Variants in RCL1 observed in about 807,000 individuals in gnomAD.
RCL1 encodes RNA terminal phosphate cyclase like 1.
Under a neutral mutation model 42.4 loss-of-function variants are expected in RCL1, and 24 were observed. The ratio of observed to expected loss-of-function variants is 0.57; its 90% CI spans 0.41 to 0.80. The LOEUF is 0.80. Among genes scored for constraint, RCL1 ranks in the 30% least tolerant of loss-of-function variants. The pLI is 0.00. For missense variants in RCL1, 578 were observed against 467.9 expected (o/e 1.24, Z -2.17); for synonymous variants, 228 against 177.3 (o/e 1.29, Z -2.27).
In RCL1 at chr9:4,841,237, CTG is replaced by C. The variant is rs1464034145; in HGVS notation, c.592_593del (p.Val198ThrfsTer24). ...TCCTTAACTCCAGGCTGCAGGTACT[CTG>C]TACGTGTGTCACCTCAGATGGCGAA... is the stretch of plus-strand genomic sequence containing the variant. On this transcript the variant is annotated frameshift_variant, in exon 6 of 9. Coordinates refer to ENST00000381750, the MANE Select transcript of RCL1 (RefSeq NM_005772.5). LOFTEE classifies it high-confidence loss of function. The C allele has an allele frequency of 6.2e-7, 1 of 1,614,038 alleles. No individual in the cohort carries two copies. Among genetic ancestry groups the C allele is most frequent in the Non-Finnish European group, 8.5e-7 (1 of 1,179,944 alleles).
chr9:4,834,416 C>A (rs924951085), intron 5 of RCL1, 151 bp downstream of exon 5: 25 of 747,424 alleles, frequency 3.3e-5, no homozygotes, highest in Non-Finnish European at 5.0e-5. Flanking sequence ...TAATTGCTGG[C>A]TGAGTTAGGA....
intron 2 of RCL1, among the ~76,000 whole-genome samples, chr9:4,823,953 C>G (rs941540443): frequency 4.6e-5 from 7 of 152,066 alleles, no homozygotes. Context: ...AGTTACCTCT[C>G]TGTGATATGA....
intron 5 of RCL1, among the ~76,000 whole-genome samples, chr9:4,840,269 C>T (rs1225937286): frequency 6.6e-6 from 1 of 152,134 alleles, no homozygotes; most frequent in Non-Finnish European, 1.5e-5. Flanking sequence ...TTATATACCT[C>T]GTTCTACCTG....
intron 8 of RCL1, among the ~76,000 whole-genome samples, chr9:4,857,916 C>T (rs986116081): frequency 1.4e-5 from 2 of 140,514 alleles, no homozygotes; most frequent in African/African-American, 2.6e-5. Flanking sequence ...AGGAAATATC[C>T]GTTTAGCTCT....
intron 1 of RCL1, among the ~76,000 whole-genome samples, chr9:4,797,184 C>G (rs1842926643): frequency 6.6e-6 from 1 of 152,206 alleles, no homozygotes. Flanking sequence ...GGGGCCAGTA[C>G]TACTGACTTC....
intron 1 of RCL1, among the ~76,000 whole-genome samples, chr9:4,823,188 C>T (rs1051902599): frequency 2.0e-5 from 3 of 151,908 alleles, no homozygotes; most frequent in South Asian, 2.1e-4. Flanking sequence ...ACTGTTTCTC[C>T]GTTATTTGGC....
intron 6 of RCL1, among the ~76,000 whole-genome samples, chr9:4,841,773 A>C (rs551777249): frequency 1.3e-5 from 2 of 152,338 alleles, no homozygotes; most frequent in African/African-American, 4.8e-5. Flanking sequence ...GAAACAACAT[A>C]TTTACATCCA....
At position 4,826,926 on chromosome 9, in the gene RCL1, C is replaced by G. The variant is rs1460301381; in HGVS notation, c.277C>G (p.Arg93Gly). 6.2e-7 allele frequency: 1 copy of G among 1,614,072 alleles called. No homozygotes were observed. Among genetic ancestry groups the G allele is most frequent in the Non-Finnish European group, 8.5e-7 (1 of 1,179,948 alleles). The change falls in exon 3 of 9, where the codon CGT becomes GGT. Residue 93 changes from arginine to glycine, a missense_variant. Coordinates refer to ENST00000381750, the MANE Select transcript of RCL1 (RefSeq NM_005772.5). Reference sequence around the variant, plus strand: ...TGTGGAACATGACTGTAGCGTCCTTCGTGGCATTGGGTATTACCTGGAGAG... The same window carrying G: ...TGTGGAACATGACTGTAGCGTCCTTGGTGGCATTGGGTATTACCTGGAGAG... ...GSVEHDCSVL[R>G]GIGYYLESLL...
At position 4,854,504 on chromosome 9, in the gene RCL1, A is replaced by G. The variant is rs544571679; in HGVS notation, c.971+4954A>G. Among the ~76,000 whole-genome samples, 6 of 152,222 alleles carry G rather than the reference A, an allele frequency of 3.9e-5. No homozygotes were observed. The East Asian group carries it at 1.2e-3, about 29-fold the overall frequency. On this transcript the variant is annotated intron_variant, in intron 8 of 8. Transcript: ENST00000381750. ...CAGTGGCATAGTAACCAGGTGGCTT[A>G]GTGGAGGAGGACGCAGGACCCTCTG... is the stretch of plus-strand genomic sequence containing the variant.
At chr9:4,821,427 A>T (rs551322658) in intron 1 of RCL1, among the ~76,000 whole-genome samples, 3 of 152,298 alleles carry the variant, frequency 2.0e-5, no homozygotes, top group Admixed American at 6.5e-5. Flanking sequence ...AGCCTTTTGT[A>T]AAATGGCATC....
chr9:4,853,042 T>A (rs1257603348), intron 8 of RCL1, among the ~76,000 whole-genome samples: 2 of 152,192 alleles, frequency 1.3e-5, no homozygotes, highest in Non-Finnish European at 2.9e-5. Context: ...TACACACATC[T>A]TATTGATCCT....
intron 1 of RCL1, among the ~76,000 whole-genome samples, chr9:4,816,638 G>A (rs1325851311): frequency 6.6e-6 from 1 of 152,028 alleles, no homozygotes; most frequent in Non-Finnish European, 1.5e-5. Flanking sequence ...AATCACAGTA[G>A]TAATTTTAAA....
chr9:4,827,129 T>C, intron 3 of RCL1, 96 bp downstream of exon 3: 1 of 1,573,712 alleles, frequency 6.4e-7, no homozygotes, highest in East Asian at 2.3e-5. Flanking sequence ...CACAGTTTTA[T>C]TACAAATGTA....
rs778784433 is a variant in RCL1 at position 4,793,070 on chromosome 9, C to A, written c.-22C>A. On this transcript the variant is annotated 5_prime_UTR_variant, in exon 1 of 9. Coordinates refer to ENST00000381750, the MANE Select transcript of RCL1 (RefSeq NM_005772.5). Reference sequence around the variant, plus strand: ...GAAGTCGCCGCTCTCGGGCTGCTCACGTCTCTTCGGAGAGCGCGCACATGG... The same window carrying A: ...GAAGTCGCCGCTCTCGGGCTGCTCAAGTCTCTTCGGAGAGCGCGCACATGG... The A allele has an allele frequency of 6.2e-7, 1 of 1,604,426 alleles. No homozygotes were observed. Among genetic ancestry groups the A allele is most frequent in the South Asian group, 1.1e-5 (1 of 89,348 alleles).
chr9:4,815,115 T>C (rs557274100), intron 1 of RCL1, among the ~76,000 whole-genome samples: 1 of 152,322 alleles, frequency 6.6e-6, no homozygotes, highest in Admixed American at 6.5e-5. Context: ...GTTGAATCTA[T>C]TTTGGAACCT....
chr9:4,846,546 A>C (rs1817520413), intron 7 of RCL1, among the ~76,000 whole-genome samples: 1 of 148,366 alleles, frequency 6.7e-6, no homozygotes, highest in Non-Finnish European at 1.5e-5. Flanking sequence ...TAATTCACGA[A>C]GTTTGTGGTC....
chr9:4,805,654 G>A (rs979720175), intron 1 of RCL1, among the ~76,000 whole-genome samples: 10 of 152,334 alleles, frequency 6.6e-5, no homozygotes, highest in African/African-American at 2.4e-4. Flanking sequence ...TGGGCAGGTA[G>A]CTGGTCAGGT....
chr9:4,857,951 C>CA (rs1818019831), intron 8 of RCL1, among the ~76,000 whole-genome samples: 2 of 29,912 alleles, frequency 6.7e-5, no homozygotes, highest in African/African-American at 2.1e-4. Context: ...TTTTTTTTTT[C>CA]AGTGAGTCTT....
intron 1 of RCL1, among the ~76,000 whole-genome samples, chr9:4,821,046 T>C (rs189863868): frequency 6.6e-6 from 1 of 152,230 alleles, no homozygotes; most frequent in Admixed American, 6.5e-5. Flanking sequence ...TAGTTGAAGG[T>C]ACCATGATTT....
Sources: gnomAD v4.1 joint callset for allele counts (sites outside exome capture counted in the v4.1 genomes callset) on GRCh38, gnomAD v4.1.1 for gene constraint, MANE v1.5 for transcripts, NCBI Gene and HGNC (gene_info 2026-07-23, HGNC 2026-07-21) for gene names.